Variants in CANX observed in about 807,000 individuals in gnomAD.
The protein encoded by CANX is epididymis secretory sperm binding protein.
A neutral mutation model predicts 75.7 loss-of-function variants in CANX; 14 were observed. That is an observed-to-expected ratio of 0.19 (90% CI 0.12 to 0.29). The LOEUF (loss-of-function observed/expected upper bound fraction) is 0.29. CANX is among the 10% of genes least tolerant of loss of function. CANX has a pLI of 1.00. For synonymous variants in CANX, 227 were observed against 236.9 expected (o/e 0.96, Z 0.38); for missense variants, 567 against 713.2 (o/e 0.79, Z 2.34).
chr5:179,682,232 A>G (rs1328783936), intron 1 of CANX, among the ~76,000 whole-genome samples: 1 of 149,436 alleles, frequency 6.7e-6, no homozygotes, highest in Non-Finnish European at 1.5e-5. Flanking sequence ...AACCTGGGCA[A>G]CAAGAGCGAA....
At chr5:179,710,112 C>T (rs1777434414) in intron 7 of CANX, 47 bp downstream of exon 7, 3 of 1,127,778 alleles carry the variant, frequency 2.7e-6, no homozygotes, top group South Asian at 2.9e-5. Flanking sequence ...ACATATATAT[C>T]ATCCATTTAA....
intron 1 of CANX, among the ~76,000 whole-genome samples, chr5:179,705,020 T>C (rs1777033276): frequency 6.6e-6 from 1 of 152,030 alleles, no homozygotes; most frequent in South Asian, 2.1e-4. Context: ...TGAGACGAAC[T>C]CTTGCTCTGT....
intron 7 of CANX, among the ~76,000 whole-genome samples, chr5:179,712,038 C>T (rs570153012): frequency 4.7e-5 from 7 of 148,236 alleles, no homozygotes; most frequent in Non-Finnish European, 8.9e-5. Flanking sequence ...GCGGAGGTCA[C>T]GGTGAGCCAA....
intron 13 of CANX, among the ~76,000 whole-genome samples, chr5:179,725,308 G>A (rs1778575285): frequency 6.6e-6 from 1 of 151,960 alleles, no homozygotes; most frequent in Non-Finnish European, 1.5e-5. Context: ...CCAGATTCAA[G>A]CGATTCTCCC....
intron 1 of CANX, among the ~76,000 whole-genome samples, chr5:179,693,016 G>A (rs1458033953): frequency 6.6e-6 from 1 of 151,748 alleles, no homozygotes; most frequent in Admixed American, 6.6e-5. Context: ...CACAGTGGCA[G>A]GCGCCTGTAG....
In CANX at chr5:179,728,757, A is replaced by T; in HGVS notation, c.*113A>T. The T allele has an allele frequency of 1.3e-6, 1 of 745,072 alleles. No individual in the cohort carries two copies. The highest frequency in any genetic ancestry group is 2.5e-6 in the Non-Finnish European group (1 of 406,956). 46.2% of individuals were successfully genotyped at this position (745,072 alleles called of 1,614,324 possible). A position where few individuals can be genotyped will look rare whatever the true frequency, so the allele number is the denominator to read the frequency against. ...GACATTCAGAAAACTTCAAGACATCACCATCAGCAGGCTCCAGTTGAACAC... is the reference window on the plus strand; with the variant it reads ...GACATTCAGAAAACTTCAAGACATCTCCATCAGCAGGCTCCAGTTGAACAC... On this transcript the variant is annotated 3_prime_UTR_variant, in exon 15 of 15. Coordinates refer to ENST00000247461, the MANE Select transcript of CANX (RefSeq NM_001746.4).
intron 14 of CANX, among the ~76,000 whole-genome samples, 164 bp downstream of exon 14, chr5:179,726,923 T>G (rs931930042): frequency 6.6e-6 from 1 of 152,236 alleles, no homozygotes; most frequent in East Asian, 1.9e-4. Context: ...AGTGTTTTGT[T>G]TGATAATTTT....
intron 12 of CANX, 130 bp from the exon 13 acceptor site, chr5:179,724,527 C>T: frequency 4.3e-6 from 3 of 694,950 alleles, no homozygotes; most frequent in East Asian, 2.6e-5. Flanking sequence ...GTAGGAATTA[C>T]ATCCTATTCG....
At chr5:179,728,229 C>T (rs1414136981) in intron 14 of CANX, among the ~76,000 whole-genome samples, 6 of 152,210 alleles carry the variant, frequency 3.9e-5, no homozygotes, top group Non-Finnish European at 5.9e-5. Context: ...AGCCTTCCAT[C>T]TTCATGAATC....
intron 1 of CANX, among the ~76,000 whole-genome samples, chr5:179,691,659 C>T (rs1407152925): frequency 6.6e-6 from 1 of 152,194 alleles, no homozygotes; most frequent in African/African-American, 2.4e-5. Flanking sequence ...AATCCCAGCT[C>T]GGGATAGCAT....
upstream of CANX, among the ~76,000 whole-genome samples, chr5:179,698,185 G>T (rs886462463): frequency 3.3e-5 from 5 of 152,184 alleles, no homozygotes; most frequent in Non-Finnish European, 5.9e-5. Context: ...TACTAAAATG[G>T]TGGCGTATCT....
intron 1 of CANX, among the ~76,000 whole-genome samples, chr5:179,702,379 T>G (rs1311293727): frequency 6.6e-6 from 1 of 152,058 alleles, no homozygotes; most frequent in Non-Finnish European, 1.5e-5. Context: ...CTCAGCTTTC[T>G]TTCTCTCCCT....
intron 14 of CANX, among the ~76,000 whole-genome samples, chr5:179,727,623 G>A (rs1778747533): frequency 2.0e-5 from 3 of 152,186 alleles, no homozygotes; most frequent in South Asian, 4.1e-4. Flanking sequence ...TCCTAGTGAA[G>A]CGGGCAGCCA....
chr5:179,687,263 C>T (rs754977706), intron 1 of CANX, among the ~76,000 whole-genome samples: 50 of 152,242 alleles, frequency 3.3e-4, no homozygotes, highest in African/African-American at 8.4e-4. Context: ...CCAACACGCC[C>T]GGCTAATTTT....
upstream of CANX, among the ~76,000 whole-genome samples, chr5:179,695,387 TG>T (rs1776377826): frequency 6.6e-6 from 1 of 151,846 alleles, no homozygotes; most frequent in Non-Finnish European, 1.5e-5. Flanking sequence ...TGGAGTGCAA[TG>T]GCGCAATCTC....
intron 1 of CANX, chr5:179,680,943 CT>C: frequency 6.5e-7 from 1 of 1,533,912 alleles, no homozygotes; most frequent in Non-Finnish European, 8.7e-7. Context: ...GAGATTGTAT[CT>C]TCTCGGAGGA....
intron 6 of CANX, among the ~76,000 whole-genome samples, chr5:179,709,345 C>T (rs1032428135): frequency 8.6e-5 from 13 of 151,208 alleles, no homozygotes; most frequent in African/African-American, 3.2e-4. Flanking sequence ...ACCTGGGAGG[C>T]GGAACTTGCA....
At chr5:179,683,512 G>C (rs1776124324) in intron 1 of CANX, among the ~76,000 whole-genome samples, 2 of 151,776 alleles carry the variant, frequency 1.3e-5, no homozygotes, top group African/African-American at 4.8e-5. Flanking sequence ...TCAAGATAAT[G>C]TATCCATCTG....
chr5:179,698,987 G>C lies in CANX; in HGVS notation c.-119G>C. Reference sequence around the variant, plus strand: ...GCGGCAGCGGTGGCCGAGGCCTCTTGGTTCTGCGGCACGTGACGGTCGGGC... The same window carrying C: ...GCGGCAGCGGTGGCCGAGGCCTCTTCGTTCTGCGGCACGTGACGGTCGGGC... On this transcript the variant is annotated 5_prime_UTR_variant, in exon 1 of 15. Transcript: ENST00000247461. 1.2e-5 allele frequency: 14 copies of C among 1,124,984 alleles called. No individual in the cohort carries two copies. Among genetic ancestry groups the C allele is most frequent in the Non-Finnish European group, 1.5e-5 (14 of 912,330 alleles). 69.7% of individuals were successfully genotyped at this position (1,124,984 alleles called of 1,614,324 possible).
Sources: gnomAD v4.1 joint callset for allele counts (sites outside exome capture counted in the v4.1 genomes callset) on GRCh38, gnomAD v4.1.1 for gene constraint, MANE v1.5 for transcripts, NCBI Gene and HGNC (gene_info 2026-07-23, HGNC 2026-07-21) for gene names.